The following NSUN7 variants were observed in gnomAD, a reference collection of about 807,000 sequenced individuals.
NSUN7 encodes NOP2/Sun RNA methyltransferase family member 7.
Under a neutral mutation model 58.5 loss-of-function variants are expected in NSUN7, and 39 were observed. That is an observed-to-expected ratio of 0.67 (90% CI 0.52 to 0.87). The LOEUF (loss-of-function observed/expected upper bound fraction) is 0.87, where lower values mean the gene tolerates loss of function less well. Among genes scored for constraint, NSUN7 ranks in the 40% least tolerant of loss-of-function variants. The probability of loss-of-function intolerance (pLI) is 0.00; values close to 1 mark genes in which losing one functional copy is unlikely to be tolerated. For missense variants in NSUN7, 765 were observed against 844.1 expected (o/e 0.91, Z 1.16); for synonymous variants, 278 against 303.7 (o/e 0.92, Z 0.88).
In NSUN7 at chr4:40,808,530, CTG is replaced by C; in HGVS notation, c.1750_1751del (p.Val584AsnfsTer45). The C allele has an allele frequency of 2.6e-6, 4 of 1,552,292 alleles. No homozygotes were observed. Among genetic ancestry groups the C allele is most frequent in the Non-Finnish European group, 3.5e-6 (4 of 1,147,182 alleles). On this transcript the variant is annotated frameshift_variant, in exon 12 of 12. Transcript: ENST00000381782. LOFTEE classifies it low-confidence loss of function (END_TRUNC). ...AAAGCCAGTGCTAATCTATCAGAGA[CTG>C]TAACAAAACCACCTCTTCCCCAGAA...
intron 8 of NSUN7, among the ~76,000 whole-genome samples, chr4:40,791,960 C>T (rs747573621): frequency 6.6e-6 from 1 of 152,142 alleles, no homozygotes; most frequent in Non-Finnish European, 1.5e-5. Flanking sequence ...GATTCAAATT[C>T]AGGTGGGTTA....
At chr4:40,774,450 A>T (rs1742169545) in intron 5 of NSUN7, 33 bp downstream of exon 5, 1 of 1,592,136 alleles carries the variant, frequency 6.3e-7, no homozygotes, top group Non-Finnish European at 8.6e-7. Flanking sequence ...TTATATTTCA[A>T]GTCTCCATCC....
chr4:40,764,724 C>T (rs1741632077), intron 4 of NSUN7, among the ~76,000 whole-genome samples: 3 of 152,126 alleles, frequency 2.0e-5, no homozygotes, highest in Admixed American at 2.0e-4. Flanking sequence ...TATTTCTCCA[C>T]ATCCTCTCCA....
At chr4:40,759,280 C>T (rs1047319860) in intron 2 of NSUN7, among the ~76,000 whole-genome samples, 6 of 151,946 alleles carry the variant, frequency 3.9e-5, no homozygotes, top group East Asian at 3.9e-4. Flanking sequence ...CACTGCACTC[C>T]GGCCGGTGTG....
chr4:40,750,362 G>C, intron 1 of NSUN7, 62 bp downstream of exon 1: 1 of 223,196 alleles, frequency 4.5e-6, no homozygotes, highest in Non-Finnish European at 8.9e-6. Flanking sequence ...GGCTCCGGGG[G>C]CAGCTCTGCC....
chr4:40,764,377 A>G (rs1341511897), intron 4 of NSUN7, among the ~76,000 whole-genome samples: 5 of 151,576 alleles, frequency 3.3e-5, no homozygotes, highest in South Asian at 2.1e-4. Flanking sequence ...ATGATTTCCA[A>G]TTTCATCCAT....
At chr4:40,798,323 T>C (rs1353662818) in intron 9 of NSUN7, among the ~76,000 whole-genome samples, 1 of 152,182 alleles carries the variant, frequency 6.6e-6, no homozygotes, top group Non-Finnish European at 1.5e-5. Flanking sequence ...GAATTGCAGG[T>C]GGTAGTATTA....
intron 10 of NSUN7, among the ~76,000 whole-genome samples, chr4:40,803,394 G>T (rs1002486063): frequency 6.6e-6 from 1 of 152,114 alleles, no homozygotes. Flanking sequence ...CTAGTTTACA[G>T]TCCCACCGAC....
intron 9 of NSUN7, among the ~76,000 whole-genome samples, chr4:40,798,293 A>G (rs1208023461): frequency 6.6e-6 from 1 of 152,348 alleles, no homozygotes; most frequent in East Asian, 1.9e-4. Flanking sequence ...TAGGTGCTCA[A>G]TAAGTATGAA....
chr4:40,760,318 A>G (rs1741386739), intron 2 of NSUN7, 116 bp from the exon 3 acceptor site: 1 of 729,428 alleles, frequency 1.4e-6, no homozygotes, highest in Non-Finnish European at 2.4e-6. Flanking sequence ...GAATTGAGGT[A>G]TATTTTAGAT....
intron 4 of NSUN7, among the ~76,000 whole-genome samples, chr4:40,761,883 T>G (rs1378641762): frequency 6.6e-6 from 1 of 152,198 alleles, no homozygotes; most frequent in Non-Finnish European, 1.5e-5. Flanking sequence ...AGACATAAAG[T>G]AAATTGGTCA....
Position 40,808,662 on chromosome 4 carries a change from C to T in NSUN7, c.1880C>T (p.Pro627Leu), listed in dbSNP as rs539347202. Residue 627 changes from proline to leucine, a missense_variant, in exon 12 of 12, where the codon CCG (proline) becomes CTG (leucine). By Grantham distance (98) the Pro-to-Leu change is moderately conservative. Coordinates refer to ENST00000381782, the MANE Select transcript of NSUN7 (RefSeq NM_024677.6). Reference sequence around the variant, plus strand: ...GTGAAGAACACTTGTCCCTCCAGACCGCGTGAACGGCAGACACACTTCTTA... The same window carrying T: ...GTGAAGAACACTTGTCCCTCCAGACTGCGTGAACGGCAGACACACTTCTTA... ...AFVKNTCPSR[P>L]RERQTHFLRP... 2.4e-5 allele frequency: 38 copies of T among 1,551,794 alleles called. No homozygotes were observed. In the African/African-American group the frequency reaches 2.7e-4, roughly 11 times the overall value.
intron 10 of NSUN7, among the ~76,000 whole-genome samples, chr4:40,802,702 A>G (rs909464955): frequency 6.6e-6 from 1 of 151,988 alleles, no homozygotes; most frequent in African/African-American, 2.4e-5. Context: ...TACATTTTAT[A>G]TCACAACTCA....
At chr4:40,787,352 A>T (rs56188410) in intron 7 of NSUN7, among the ~76,000 whole-genome samples, 20,997 of 151,464 alleles carry the variant, frequency 0.14, 1,533 homozygotes, top group South Asian at 0.17. Context: ...AAAATAAAAA[A>T]AGTGATTTTA....
chr4:40,781,228 G>T (rs1742551056), intron 7 of NSUN7, among the ~76,000 whole-genome samples: 1 of 151,808 alleles, frequency 6.6e-6, no homozygotes. Context: ...TAATTTTTTT[G>T]TATTTTTAGT....
intron 2 of NSUN7, among the ~76,000 whole-genome samples, chr4:40,753,280 C>CTT (rs771038149): frequency 1.4e-5 from 2 of 138,964 alleles, no homozygotes; most frequent in Admixed American, 7.3e-5. Context: ...TTTTATCTTT[C>CTT]TTTTTTTTTT....
chr4:40,778,067 T>C (rs959346713), intron 7 of NSUN7, among the ~76,000 whole-genome samples: 1 of 152,194 alleles, frequency 6.6e-6, no homozygotes, highest in African/African-American at 2.4e-5. Flanking sequence ...ATATGGATTT[T>C]ACAGTAAATT....
chr4:40,774,559 T>C (rs1457426429), intron 5 of NSUN7, 142 bp downstream of exon 5: 3 of 825,666 alleles, frequency 3.6e-6, no homozygotes, highest in Middle Eastern at 3.6e-4. Context: ...CCAGAGCTTA[T>C]GACCAAATTA....
At chr4:40,805,917 T>C (rs1743791206) in intron 10 of NSUN7, among the ~76,000 whole-genome samples, 1 of 152,050 alleles carries the variant, frequency 6.6e-6, no homozygotes, top group African/African-American at 2.4e-5. Context: ...TCTCAGCTAA[T>C]TGCAACCACC....
Sources: gnomAD v4.1 joint callset for allele counts (sites outside exome capture counted in the v4.1 genomes callset) on GRCh38, gnomAD v4.1.1 for gene constraint, MANE v1.5 for transcripts, NCBI Gene and HGNC (gene_info 2026-07-23, HGNC 2026-07-21) for gene names.